The following RIGI variants were observed in gnomAD, a reference collection of about 807,000 sequenced individuals.
RIGI encodes RNA sensor RIG-I, also known as antiviral innate immune response receptor RIG-I.
At chr9:32,520,727 G>A in the RIGI span, among the ~76,000 whole-genome samples, 11 of 152,126 alleles carry the variant, frequency 7.2e-5, no homozygotes, top group Non-Finnish European at 1.6e-4. Context: ...GCCAATGTCT[G>A]GGCCCCTGTG....
the RIGI span, chr9:32,488,614 G>T: frequency 9.3e-7 from 1 of 1,070,070 alleles, no homozygotes; most frequent in Non-Finnish European, 1.3e-6. Flanking sequence ...ATAACATCTG[G>T]ATTATAAAAA....
chr9:32,485,196 T>G, the RIGI span: 2 of 1,606,230 alleles, frequency 1.2e-6, no homozygotes, highest in Non-Finnish European at 1.7e-6. Flanking sequence ...CAGATTCTCT[T>G]TGCCAGACTC....
chr9:32,506,305 A>T, the RIGI span, among the ~76,000 whole-genome samples: 28 of 152,228 alleles, frequency 1.8e-4, no homozygotes, highest in Non-Finnish European at 3.5e-4. Flanking sequence ...ACTACCTTCC[A>T]AACTGTACTA....
At chr9:32,492,245 C>G in the RIGI span, 1 of 854,974 alleles carries the variant, frequency 1.2e-6, no homozygotes, top group Non-Finnish European at 1.8e-6. Flanking sequence ...TAACTGCCTC[C>G]CTCCCAGAAT....
the RIGI span, chr9:32,457,178 A>C: frequency 6.2e-7 from 1 of 1,614,028 alleles, no homozygotes. Flanking sequence ...AAGTCCTTCC[A>C]CTTCGAGTAC....
At chr9:32,492,615 C>G in the RIGI span, 2 of 1,523,176 alleles carry the variant, frequency 1.3e-6, no homozygotes, top group South Asian at 1.1e-5. Context: ...GAAGAAATGT[C>G]AGTCATGTAC....
At chr9:32,483,049 G>C in the RIGI span, among the ~76,000 whole-genome samples, 4 of 152,080 alleles carry the variant, frequency 2.6e-5, no homozygotes, top group African/African-American at 9.7e-5. Context: ...TTGGTTCAAA[G>C]CTGGGGCATC....
At chr9:32,512,698 T>C in the RIGI span, among the ~76,000 whole-genome samples, 3 of 152,196 alleles carry the variant, frequency 2.0e-5, no homozygotes, top group African/African-American at 7.2e-5. Flanking sequence ...CTATTCAACA[T>C]ACTGTTGGAA....
the RIGI span, among the ~76,000 whole-genome samples, chr9:32,496,529 A>T: frequency 6.6e-6 from 1 of 152,208 alleles, no homozygotes; most frequent in South Asian, 2.1e-4. Context: ...TGGACATCAG[A>T]GGTCCTGGTT....
chr9:32,505,190 TAATAGAA>T, the RIGI span, among the ~76,000 whole-genome samples: 1 of 150,740 alleles, frequency 6.6e-6, no homozygotes, highest in African/African-American at 2.4e-5. Flanking sequence ...TTTATCAATC[TAATAGAA>T]AATAGAAAAA....
the RIGI span, among the ~76,000 whole-genome samples, chr9:32,521,405 T>C: frequency 4.6e-5 from 7 of 152,134 alleles, no homozygotes; most frequent in Non-Finnish European, 7.3e-5. Context: ...TTAGGCCTTA[T>C]TGTTGGGAAA....
chr9:32,460,479 C>T, the RIGI span, among the ~76,000 whole-genome samples: 1 of 151,164 alleles, frequency 6.6e-6, no homozygotes, highest in African/African-American at 2.4e-5. Flanking sequence ...AGATCTCAAA[C>T]TGAATGAAAA....
the RIGI span, chr9:32,466,171 T>G: frequency 1.0e-6 from 1 of 993,046 alleles, no homozygotes; most frequent in Non-Finnish European, 1.5e-6. Context: ...ATTCACTAAG[T>G]ATAAACTTTT....
chr9:32,484,842 C>T, the RIGI span, among the ~76,000 whole-genome samples: 1 of 152,062 alleles, frequency 6.6e-6, no homozygotes, highest in Non-Finnish European at 1.5e-5. Flanking sequence ...AAATCTGAGC[C>T]AGTAGAGGAA....
chr9:32,522,411 A>C, the RIGI span, among the ~76,000 whole-genome samples: 5 of 152,212 alleles, frequency 3.3e-5, no homozygotes, highest in African/African-American at 1.2e-4. Context: ...ACATTTAATA[A>C]AAATCTGTTT....
At chr9:32,489,469 C>G in the RIGI span, 1 of 1,520,874 alleles carries the variant, frequency 6.6e-7, no homozygotes, top group Middle Eastern at 1.7e-4. Context: ...ACAAAAGGAG[C>G]AAAATTACCA....
At chr9:32,456,989 C>T in the RIGI span, 1 of 692,490 alleles carries the variant, frequency 1.4e-6, no homozygotes, top group East Asian at 2.7e-5. Context: ...TAATATAGTA[C>T]AAACTGCTAA....
At chr9:32,506,949 G>A in the RIGI span, among the ~76,000 whole-genome samples, 7 of 151,960 alleles carry the variant, frequency 4.6e-5, no homozygotes, top group Admixed American at 2.6e-4. Flanking sequence ...ATAATATGTT[G>A]GCTGATTGCC....
At chr9:32,511,115 A>G in the RIGI span, among the ~76,000 whole-genome samples, 323 of 152,286 alleles carry the variant, frequency 2.1e-3, 1 homozygote, top group Non-Finnish European at 3.5e-3. Flanking sequence ...CTACAAAGAG[A>G]CTTAGACTCC....
Sources: gnomAD v4.1 joint callset for allele counts (sites outside exome capture counted in the v4.1 genomes callset) on GRCh38, gnomAD v4.1.1 for gene constraint, MANE v1.5 for transcripts, NCBI Gene and HGNC (gene_info 2026-07-23, HGNC 2026-07-21) for gene names.